Variants in TNPO3 observed in about 807,000 individuals in gnomAD.
TNPO3 encodes transportin 3.
A neutral mutation model predicts 122.8 loss-of-function variants in TNPO3; 65 were observed. The ratio of observed to expected loss-of-function variants is 0.53; its 90% CI spans 0.43 to 0.65. The LOEUF (loss-of-function observed/expected upper bound fraction) is 0.65. Ranked by LOEUF, TNPO3 falls within the 30% of genes least tolerant of loss-of-function variation. TNPO3 has a pLI of 0.00. For missense variants in TNPO3, 850 were observed against 1,136.7 expected (o/e 0.75, Z 3.63); for synonymous variants, 372 against 411.2 (o/e 0.90, Z 1.15).
At position 128,970,171 on chromosome 7, in the gene TNPO3, C is replaced by T; in HGVS notation, c.2575G>A (p.Glu859Lys). ...ACCGGTCTGTCAACCTGCATGATCT[C>T]CCAGAGCACTTCAGCCACATCTGGT... ...TLPDVAEVLW[E>K]IMQVDRPTFC... is the part of the protein sequence containing the mutation. Residue 859 changes from glutamate (E) to lysine (K), a missense_variant, in exon 20 of 23, where the codon GAG (glutamate) becomes AAG (lysine). Physicochemically the swap from Glu to Lys is moderately conservative, Grantham distance 56 (BLOSUM62 1). Transcript: ENST00000265388. 1 of 1,614,152 alleles carries T rather than the reference C, an allele frequency of 6.2e-7. No homozygotes were observed. Among genetic ancestry groups the T allele is most frequent in the Non-Finnish European group, 8.5e-7 (1 of 1,180,030 alleles).
intron 4 of TNPO3, 74 bp downstream of exon 4, chr7:129,014,905 A>G: frequency 6.9e-7 from 1 of 1,443,798 alleles, no homozygotes; most frequent in Non-Finnish European, 9.3e-7. Flanking sequence ...TTTCACAATA[A>G]TGCAATTGAT....
chr7:128,986,696 G>A (rs749342790), intron 12 of TNPO3, 33 bp downstream of exon 12: 2 of 1,569,418 alleles, frequency 1.3e-6, no homozygotes, highest in South Asian at 2.4e-5. Flanking sequence ...GTGGCTTTGA[G>A]GTGACTATTA....
intron 5 of TNPO3, among the ~76,000 whole-genome samples, chr7:129,002,901 G>T (rs971762400): frequency 1.2e-4 from 19 of 152,106 alleles, no homozygotes; most frequent in African/African-American, 4.6e-4. Context: ...TTAGCCGGGC[G>T]TGGTGTCAGG....
At chr7:129,039,904 G>C (rs576774985) in intron 1 of TNPO3, among the ~76,000 whole-genome samples, 24 of 152,306 alleles carry the variant, frequency 1.6e-4, no homozygotes, top group African/African-American at 5.8e-4. Flanking sequence ...ATTAGTAGCT[G>C]CCTAGCAATG....
At chr7:129,014,350 C>A (rs1242306774) in intron 4 of TNPO3, among the ~76,000 whole-genome samples, 4 of 152,196 alleles carry the variant, frequency 2.6e-5, no homozygotes, top group South Asian at 4.2e-4. Context: ...TGGAGAGACA[C>A]CATCTCTACA....
At chr7:128,997,237 G>A (rs1801430586) in intron 8 of TNPO3, 152 bp downstream of exon 8, 3 of 659,360 alleles carry the variant, frequency 4.5e-6, no homozygotes, top group African/African-American at 1.9e-5. Flanking sequence ...GGGCTCTAAC[G>A]ATTCATCTGC....
chr7:128,987,090 C>A (rs185393012), intron 11 of TNPO3, among the ~76,000 whole-genome samples, 170 bp from the exon 12 acceptor site: 10 of 152,278 alleles, frequency 6.6e-5, no homozygotes, highest in African/African-American at 2.4e-4. Flanking sequence ...TAGAGCTGAT[C>A]TCACTTACAT....
intron 4 of TNPO3, 25 bp from the exon 5 acceptor site, chr7:129,005,184 T>C: frequency 6.3e-7 from 1 of 1,591,290 alleles, no homozygotes; most frequent in Non-Finnish European, 8.6e-7. Flanking sequence ...AAACTTAAAA[T>C]GAATAATGTT....
Position 128,979,103 on chromosome 7 carries a change from C to T in TNPO3, c.1941G>A (p.Glu647=). Reference sequence around the variant, plus strand: ...TATCAGCTCGGTGCTTATTTAGAGTCTCGGATAAAACTGGCCATATCTGGG... The same window carrying T: ...TATCAGCTCGGTGCTTATTTAGAGTTTCGGATAAAACTGGCCATATCTGGG... ...VIQEIWPVLS[E]TLNKHRADNR... Residue 647 remains glutamate, a synonymous_variant, in exon 16 of 23, where the codon GAG becomes GAA. Coordinates refer to ENST00000265388, the MANE Select transcript of TNPO3 (RefSeq NM_012470.4). The T allele has an allele frequency of 6.2e-7, 1 of 1,614,136 alleles. No homozygotes were observed. Among genetic ancestry groups the T allele is most frequent in the African/African-American group, 1.3e-5 (1 of 75,038 alleles).
intron 4 of TNPO3, among the ~76,000 whole-genome samples, chr7:129,013,452 A>T (rs1450597215): frequency 2.0e-5 from 3 of 147,936 alleles, no homozygotes; most frequent in Non-Finnish European, 4.5e-5. Flanking sequence ...AAAAAAAATT[A>T]AAAATTAAAA....
rs559958885 is a variant in TNPO3, at chr7:128,986,065, C to T, written c.1690+664G>A. Among the ~76,000 whole-genome samples the T allele has an allele frequency of 2.0e-5, 3 of 152,318 alleles. No homozygotes were observed. In the East Asian group the frequency reaches 5.8e-4, roughly 29 times the overall value. On this transcript the variant is annotated intron_variant, in intron 12 of 22. Coordinates refer to ENST00000265388, the MANE Select transcript of TNPO3 (RefSeq NM_012470.4). ...GAAAGTATGGTTAAGTGTTTTCTTC[C>T]TAGAGCCAGTATATGCTTCCCTATA...
rs1339474415 is a variant in TNPO3, at chr7:129,031,993, C to T, written c.121-13836G>A. 2.0e-5 allele frequency among the ~76,000 whole-genome samples: 3 copies of T among 152,222 alleles called. No homozygotes were observed. In the East Asian group the frequency reaches 5.8e-4, roughly 29 times the overall value. Reference sequence around the variant, plus strand: ...TGAGCCATCACGCCTGGCTTTTCAACAGCATATTGAAGGGATTATACATCA... The same window carrying T: ...TGAGCCATCACGCCTGGCTTTTCAATAGCATATTGAAGGGATTATACATCA... On this transcript the variant is annotated intron_variant, in intron 1 of 22. Transcript: ENST00000265388.
chr7:128,991,915 T>C (rs1338852635), intron 10 of TNPO3, 84 bp downstream of exon 10: 6 of 909,706 alleles, frequency 6.6e-6, no homozygotes, highest in Non-Finnish European at 8.4e-6. Flanking sequence ...TCCAGGTATA[T>C]ACCATATAAG....
chr7:129,014,154 T>A (rs1245948240), intron 4 of TNPO3, among the ~76,000 whole-genome samples: 1 of 152,166 alleles, frequency 6.6e-6, no homozygotes, highest in Non-Finnish European at 1.5e-5. Flanking sequence ...ATGATAAAGG[T>A]TTGAGGTGAT....
chr7:128,996,765 AAAAG>A (rs1801376080), intron 8 of TNPO3, among the ~76,000 whole-genome samples: 1 of 151,214 alleles, frequency 6.6e-6, no homozygotes, highest in African/African-American at 2.4e-5. Flanking sequence ...AAAAAAAAAA[AAAAG>A]AGTACATAAT....
At chr7:129,004,704 C>T (rs747055023) in intron 5 of TNPO3, among the ~76,000 whole-genome samples, 10 of 152,058 alleles carry the variant, frequency 6.6e-5, no homozygotes, top group Non-Finnish European at 1.0e-4. Flanking sequence ...GATTCAATGA[C>T]CATTATTGAA....
chr7:129,015,135 T>C lies in TNPO3; in HGVS notation c.396A>G (p.Lys132=). The C allele has an allele frequency of 6.2e-7, 1 of 1,606,982 alleles. No homozygotes were observed. The highest frequency in any genetic ancestry group is 8.5e-7 in the Non-Finnish European group (1 of 1,178,600). The change falls in exon 4 of 23, where the codon AAA becomes AAG. Residue 132 remains lysine, a splice_region_variant and synonymous_variant. Coordinates refer to ENST00000265388, the MANE Select transcript of TNPO3 (RefSeq NM_012470.4). The stretch of plus-strand genomic sequence containing the variant: ...GCAAAGAAGTCACATCATTGCTGTA[T>C]CTGCAAAAGAAAAAAGTGGAGATAT... ...WKGCVQTLVE[K]YSNDVTSLPF...
intron 1 of TNPO3, chr7:129,041,435 T>G: frequency 1.8e-6 from 1 of 559,652 alleles, no homozygotes; most frequent in South Asian, 7.8e-5. Context: ...CCTGATACCC[T>G]ACAAACTACA....
intron 10 of TNPO3, 180 bp from the exon 11 acceptor site, chr7:128,990,280 G>A (rs1800618843): frequency 1.4e-6 from 1 of 715,438 alleles, no homozygotes; most frequent in Non-Finnish European, 2.4e-6. Flanking sequence ...GGAAAAGATA[G>A]AAATGAAAGA....
Sources: allele counts gnomAD v4.1 joint callset (sites outside exome capture counted in the v4.1 genomes callset), GRCh38; gene constraint gnomAD v4.1.1; transcripts MANE v1.5; gene names NCBI Gene and HGNC (gene_info 2026-07-23, HGNC 2026-07-21).